The following DCAF8L2 variants were observed in gnomAD, a reference collection of about 807,000 sequenced individuals.
DCAF8L2 encodes DDB1 and CUL4 associated factor 8 like 2.
For synonymous variants in DCAF8L2, 200 were observed against 190.9 expected (o/e 1.05, Z -0.39); for missense variants, 430 against 490.7 (o/e 0.88, Z 1.17).
intron 2 of DCAF8L2, among the ~76,000 whole-genome samples, chrX:27,671,874 C>T (rs929936361): frequency 2.7e-5 from 3 of 111,725 alleles, no homozygotes; most frequent in Non-Finnish European, 5.6e-5. Context: ...CAAAATAAGT[C>T]ATGAATTGAG....
At chrX:27,621,795 C>T (rs1415918324) in intron 1 of DCAF8L2, among the ~76,000 whole-genome samples, 1 of 110,253 alleles carries the variant, frequency 9.1e-6, no homozygotes, top group Non-Finnish European at 1.9e-5. Context: ...AAGTTCGAGA[C>T]AAGCCTGGGC....
chrX:27,642,581 C>CT (rs763280919), intron 2 of DCAF8L2, among the ~76,000 whole-genome samples: 24 of 111,126 alleles, frequency 2.2e-4, no homozygotes, highest in Non-Finnish European at 1.9e-4. Flanking sequence ...GCAATTCTCT[C>CT]TTTTCTACTC....
At chrX:27,618,311 A>G (rs1346867453) in intron 1 of DCAF8L2, among the ~76,000 whole-genome samples, 1 of 111,562 alleles carries the variant, frequency 9.0e-6, no homozygotes, top group Non-Finnish European at 1.9e-5. Flanking sequence ...ACAGGAAGAA[A>G]TGCTGCATGG....
intron 3 of DCAF8L2, among the ~76,000 whole-genome samples, chrX:27,698,197 T>C (rs1930999138): frequency 1.8e-5 from 2 of 111,652 alleles, no homozygotes; most frequent in Admixed American, 9.5e-5. Context: ...TTCTTTAATA[T>C]TGAGGCATGA....
In DCAF8L2 at chrX:27,747,315, G is replaced by GGAA. The variant is rs1922267639; in HGVS notation, c.422_423insAGA (p.Glu147dup). ...AGGAGGAGGAGGAGGAGGAGGAGGA[G>GGAA]GAGGAGGAGGAGGAAGAAGAACAGC... On this transcript the variant is annotated inframe_insertion, in exon 5 of 5. Coordinates refer to ENST00000451261, the MANE Select transcript of DCAF8L2 (RefSeq NM_001353450.2). 8.9e-7 allele frequency: 1 copy of GGAA among 1,120,193 alleles called. No individual in the cohort carries two copies. Among genetic ancestry groups the GGAA allele is most frequent in the Non-Finnish European group, 1.2e-6 (1 of 844,482 alleles). 92.3% of individuals were successfully genotyped at this position (1,120,193 alleles called of 1,213,427 possible). A position where few individuals can be genotyped will look rare whatever the true frequency, so the allele number is the denominator to read the frequency against.
At chrX:27,680,369 C>T (rs1262867262) in intron 3 of DCAF8L2, among the ~76,000 whole-genome samples, 2 of 111,996 alleles carry the variant, frequency 1.8e-5, no homozygotes, top group South Asian at 3.7e-4. Context: ...TTGGCAGTCA[C>T]GCAGGATCAC....
intron 2 of DCAF8L2, among the ~76,000 whole-genome samples, chrX:27,662,191 T>C (rs1929582139): frequency 9.0e-6 from 1 of 111,192 alleles, no homozygotes; most frequent in Non-Finnish European, 1.9e-5. Flanking sequence ...ATAGATATTA[T>C]GTCTGTAAAG....
intron 1 of DCAF8L2, among the ~76,000 whole-genome samples, chrX:27,603,723 A>G (rs1052964265): frequency 8.9e-6 from 1 of 112,100 alleles, no homozygotes; most frequent in Non-Finnish European, 1.9e-5. Flanking sequence ...ACTGATAGCC[A>G]TAGGTGCACA....
At chrX:27,549,893 G>T in the DCAF8L2 span, among the ~76,000 whole-genome samples, 1 of 111,538 alleles carries the variant, frequency 9.0e-6, no homozygotes, top group Non-Finnish European at 1.9e-5. Flanking sequence ...CTCCCATGGG[G>T]CAGCCCACAT....
chrX:27,714,423 C>CT (rs947467596), intron 3 of DCAF8L2, among the ~76,000 whole-genome samples: 5 of 110,470 alleles, frequency 4.5e-5, no homozygotes, highest in African/African-American at 1.6e-4. Flanking sequence ...CCTAAAACAT[C>CT]TTTTTCCTGT....
chrX:27,730,308 C>T (rs770490222), intron 4 of DCAF8L2, among the ~76,000 whole-genome samples: 2 of 109,365 alleles, frequency 1.8e-5, no homozygotes, highest in Non-Finnish European at 3.8e-5. Context: ...AAACATTTAA[C>T]ATGAGATCTA....
In DCAF8L2 at chrX:27,746,935, T is replaced by G. The variant is rs1448928458; in HGVS notation, c.40T>G (p.Leu14Val). The change falls in exon 5 of 5, where the codon TTA (leucine) becomes GTA (valine). Residue 14 changes from leucine to valine, a missense_variant. Transcript: ENST00000451261. ...QEGSTDGLPD[L>V]GTESLFSSPE... ...AGGCAGCACAGACGGCTTACCAGAC[T>G]TAGGGACTGAAAGCCTGTTCAGCAG... 8.3e-7 allele frequency: 1 copy of G among 1,203,047 alleles called. No individual in the cohort carries two copies. The highest frequency in any genetic ancestry group is 1.1e-6 in the Non-Finnish European group (1 of 892,455).
chrX:27,576,024 G>T, the DCAF8L2 span, among the ~76,000 whole-genome samples: 9 of 112,016 alleles, frequency 8.0e-5, no homozygotes, highest in Admixed American at 8.5e-4. Flanking sequence ...ACACAAAATT[G>T]CCACAAGCAC....
At chrX:27,563,641 A>G in the DCAF8L2 span, among the ~76,000 whole-genome samples, 5 of 112,392 alleles carry the variant, frequency 4.4e-5, no homozygotes, top group Non-Finnish European at 9.4e-5. Context: ...ACCTATGTCA[A>G]TTTAAGCAAT....
the DCAF8L2 span, among the ~76,000 whole-genome samples, chrX:27,571,741 C>T: frequency 4.5e-5 from 5 of 111,128 alleles, no homozygotes; most frequent in South Asian, 1.5e-3. Flanking sequence ...TCTTGAAGTC[C>T]AGAGCTGCCA....
intron 4 of DCAF8L2, 136 bp from the exon 5 acceptor site, chrX:27,746,701 TG>T (rs1922184531): frequency 5.0e-6 from 2 of 399,670 alleles, no homozygotes; most frequent in Non-Finnish European, 8.5e-6. Flanking sequence ...TTGAACCTCA[TG>T]GGATCCCATA....
At chrX:27,491,418 A>G in the DCAF8L2 span, among the ~76,000 whole-genome samples, 1 of 112,193 alleles carries the variant, frequency 8.9e-6, no homozygotes, top group African/African-American at 3.2e-5. Flanking sequence ...CAGCAGTCTC[A>G]ATTCTGTTCT....
At chrX:27,710,990 T>C (rs936108509) in intron 3 of DCAF8L2, among the ~76,000 whole-genome samples, 2 of 111,923 alleles carry the variant, frequency 1.8e-5, no homozygotes, top group Non-Finnish European at 3.8e-5. Context: ...TTTCTGCATC[T>C]CGTAAAATGA....
intron 2 of DCAF8L2, among the ~76,000 whole-genome samples, chrX:27,654,183 C>T (rs952727124): frequency 1.8e-5 from 2 of 110,890 alleles, no homozygotes; most frequent in African/African-American, 6.6e-5. Context: ...CAATTGGGAA[C>T]CTCTGTCAGC....
Sources: allele counts gnomAD v4.1 joint callset (sites outside exome capture counted in the v4.1 genomes callset), GRCh38; gene constraint gnomAD v4.1.1; transcripts MANE v1.5; gene names NCBI Gene and HGNC (gene_info 2026-07-23, HGNC 2026-07-21).